The following INPP4A variants were observed in gnomAD, a reference collection of about 807,000 sequenced individuals.
The protein encoded by INPP4A is inositol polyphosphate-4-phosphatase, type I, 107kD.
A neutral mutation model predicts 119.8 loss-of-function variants in INPP4A; 33 were observed. The ratio of observed to expected loss-of-function variants is 0.28; its 90% confidence interval spans 0.21 to 0.37. The LOEUF (loss-of-function observed/expected upper bound fraction) is 0.37, where lower values mean the gene tolerates loss of function less well. Among genes scored for constraint, INPP4A ranks in the 10% least tolerant of loss-of-function variants. INPP4A has a pLI of 1.00. For missense variants in INPP4A, 956 were observed against 1,289.9 expected, an observed-to-expected ratio of 0.74 and a Z score of 3.97; for synonymous variants, 496 against 500.7, an observed-to-expected ratio of 0.99 and a Z score of 0.12.
chr2:98,527,174 A>G (rs188941194), intron 4 of INPP4A, among the ~76,000 whole-genome samples: 28 of 152,340 alleles, frequency 1.8e-4, no homozygotes, highest in Admixed American at 1.6e-3. Context: ...TTGATGTTAT[A>G]GTGAAAATCA....
intron 7 of INPP4A, 52 bp downstream of exon 7, chr2:98,536,260 G>A (rs761674460): frequency 2.7e-6 from 3 of 1,127,234 alleles, no homozygotes; most frequent in Non-Finnish European, 4.0e-6. Flanking sequence ...TGAGGTCCAG[G>A]GACAGATGGG....
chr2:98,481,866 C>T (rs1678538156), intron 1 of INPP4A, among the ~76,000 whole-genome samples: 1 of 152,222 alleles, frequency 6.6e-6, no homozygotes, highest in Non-Finnish European at 1.5e-5. Flanking sequence ...TTTCCGTTCT[C>T]TAGTGAAAGG....
In INPP4A at chr2:98,460,100, C is replaced by CGTGTGTGTGTGT. The variant is rs3066275; in HGVS notation, c.-166+15036_-166+15047dup. 3.4e-3 allele frequency among the ~76,000 whole-genome samples: 496 copies of CGTGTGTGTGTGT among 147,104 alleles called. 2 individuals are homozygous for CGTGTGTGTGTGT. The highest frequency in any genetic ancestry group is 0.011 in the African/African-American group (451 of 39,758). ...GTGCCACACCTTTGGGTTTGGTCATCGTGTGTGTGTGTGTGTGTGTGTGTG... is the reference window on the plus strand; with the variant it reads ...GTGCCACACCTTTGGGTTTGGTCATCGTGTGTGTGTGTGTGTGTGTGTGTGTGTGTGTGTGTG... On this transcript the variant is annotated intron_variant, in intron 1 of 24. Coordinates refer to ENST00000409851, the MANE Select transcript of INPP4A (RefSeq NM_001134225.2).
intron 24 of INPP4A, among the ~76,000 whole-genome samples, chr2:98,579,351 G>A (rs376412693): frequency 4.6e-5 from 7 of 152,222 alleles, no homozygotes; most frequent in East Asian, 1.9e-4. Flanking sequence ...ATGCCCAGCC[G>A]CATTTTACAC....
intron 1 of INPP4A, among the ~76,000 whole-genome samples, chr2:98,450,278 A>G (rs1398246041): frequency 6.6e-6 from 1 of 152,208 alleles, no homozygotes; most frequent in African/African-American, 2.4e-5. Context: ...ACTAAAACCC[A>G]GTTATATCAC....
chr2:98,531,549 G>A (rs780183976), intron 4 of INPP4A, among the ~76,000 whole-genome samples: 1 of 152,076 alleles, frequency 6.6e-6, no homozygotes, highest in Non-Finnish European at 1.5e-5. Flanking sequence ...AATGTACCTA[G>A]GCACATCATA....
chr2:98,585,437 C>A (rs1440435204), intron 24 of INPP4A, among the ~76,000 whole-genome samples: 1 of 152,154 alleles, frequency 6.6e-6, no homozygotes, highest in Non-Finnish European at 1.5e-5. Context: ...ATAATTAAGT[C>A]CCTCTTGCTA....
rs1678855579 is a variant in INPP4A at position 98,483,313 on chromosome 2, A to G, written c.-165-35651A>G. Among the ~76,000 whole-genome samples the G allele has an allele frequency of 2.0e-5, 3 of 152,098 alleles. No homozygotes were observed. In the South Asian group the frequency reaches 6.2e-4, roughly 31 times the overall value. On this transcript the variant is annotated intron_variant, in intron 1 of 24. Transcript: ENST00000409851. Reference sequence around the variant, plus strand: ...TGTGTTTTGTGACCCAGTCAGTCCTACTAGTTTTCGTGCTAGGAGACAGGA... The same window carrying G: ...TGTGTTTTGTGACCCAGTCAGTCCTGCTAGTTTTCGTGCTAGGAGACAGGA...
At position 98,519,941 on chromosome 2, in the gene INPP4A, C is replaced by A; in HGVS notation, c.-103-5C>A. On this transcript the variant is annotated splice_polypyrimidine_tract_variant and splice_region_variant and intron_variant, in intron 2 of 24. Transcript: ENST00000409851. Reference sequence around the variant, plus strand: ...ATGGTTTCTTACAAGTGCTCCTTTTCTCAGGGCTACTGCCACTTTAGTGGA... The same window carrying A: ...ATGGTTTCTTACAAGTGCTCCTTTTATCAGGGCTACTGCCACTTTAGTGGA... 2.5e-6 allele frequency: 2 copies of A among 808,650 alleles called. No individual in the cohort carries two copies. The highest frequency in any genetic ancestry group is 1.5e-5 in the South Asian group (1 of 67,372). The allele number at this position is 808,650 out of a possible 1,614,324, so 50.1% of individuals were successfully genotyped here. A position where few individuals can be genotyped will look rare whatever the true frequency, so the allele number is the denominator to read the frequency against.
intron 1 of INPP4A, among the ~76,000 whole-genome samples, chr2:98,472,998 G>A (rs1348736468): frequency 2.7e-5 from 4 of 150,288 alleles, no homozygotes; most frequent in Admixed American, 6.6e-5. Flanking sequence ...GTAGAGTGAG[G>A]AGGGCAGTGT....
At chr2:98,458,202 T>C (rs1696494028) in intron 1 of INPP4A, among the ~76,000 whole-genome samples, 1 of 152,086 alleles carries the variant, frequency 6.6e-6, no homozygotes, top group African/African-American at 2.4e-5. Flanking sequence ...TAGCTGGGCA[T>C]GGTGGTGCAC....
intron 1 of INPP4A, among the ~76,000 whole-genome samples, chr2:98,474,646 C>G (rs779217296): frequency 4.6e-5 from 7 of 152,202 alleles, no homozygotes; most frequent in Non-Finnish European, 1.0e-4. Context: ...TGGGAGGCAG[C>G]AGACCCATCT....
chr2:98,578,302 A>C (rs1454020466), intron 24 of INPP4A, among the ~76,000 whole-genome samples: 1 of 152,196 alleles, frequency 6.6e-6, no homozygotes, highest in East Asian at 1.9e-4. Flanking sequence ...GCCTGTGCCC[A>C]TTAGCTGCAC....
intron 24 of INPP4A, 105 bp from the exon 25 acceptor site, chr2:98,587,371 T>G (rs1287236418): frequency 8.6e-7 from 1 of 1,162,060 alleles, no homozygotes; most frequent in Non-Finnish European, 1.2e-6. Context: ...TAAATTAATC[T>G]TTTTTTTAAT....
intron 1 of INPP4A, among the ~76,000 whole-genome samples, chr2:98,475,834 G>C (rs1677091468): frequency 6.6e-6 from 1 of 152,138 alleles, no homozygotes; most frequent in Admixed American, 6.5e-5. Flanking sequence ...GAGCCTGTGT[G>C]TCCACCTTGC....
At chr2:98,544,565 A>G (rs1178454348) in intron 11 of INPP4A, among the ~76,000 whole-genome samples, 1 of 152,206 alleles carries the variant, frequency 6.6e-6, no homozygotes, top group Non-Finnish European at 1.5e-5. Context: ...GAAAGATGCC[A>G]TTTGATTTTC....
At chr2:98,533,348 T>A (rs1461309309) in intron 4 of INPP4A, 29 bp from the exon 5 acceptor site, 1 of 1,412,664 alleles carries the variant, frequency 7.1e-7, no homozygotes, top group Non-Finnish European at 1.0e-6. Flanking sequence ...TTTTAAAGGA[T>A]TCATTTCTTT....
intron 11 of INPP4A, 60 bp from the exon 12 acceptor site, chr2:98,545,909 C>A (rs990307503): frequency 1.7e-6 from 2 of 1,211,998 alleles, no homozygotes; most frequent in Non-Finnish European, 2.3e-6. Flanking sequence ...TTTCTACTTG[C>A]AACTCGTGAA....
In INPP4A at chr2:98,559,465, T is replaced by G. The variant is rs1007103913; in HGVS notation, c.1825T>G (p.Cys609Gly). ...TGTCGCCCTCCATTTCTGTGCAGAT[T>G]GCAGTCCCCCTCCTGAAGAGTCCAG... ...TACHPHLTTH[C>G]SPPPEESSPG... The change falls in exon 17 of 25, where the codon TGC (cysteine) becomes GGC (glycine). Residue 609 changes from cysteine (C) to glycine (G), a missense_variant and splice_region_variant. Around this residue, in one of 2 missense-constraint regions of INPP4A, gnomAD observed 652 missense variants for 797.9 expected, o/e 0.82. Coordinates refer to ENST00000409851, the MANE Select transcript of INPP4A (RefSeq NM_001134225.2). The G allele has an allele frequency of 1.9e-6, 3 of 1,614,030 alleles. No individual in the cohort carries two copies. Among genetic ancestry groups the G allele is most frequent in the Middle Eastern group, 1.6e-4 (1 of 6,062 alleles).
Sources: allele counts gnomAD v4.1 joint callset (sites outside exome capture counted in the v4.1 genomes callset), GRCh38; gene constraint gnomAD v4.1.1; regional missense constraint gnomAD v4.1.1; transcripts MANE v1.5; gene names NCBI Gene and HGNC (gene_info 2026-07-23, HGNC 2026-07-21).